MYO9A: variants seen among roughly 807,000 people sequenced by gnomAD.
MYO9A encodes unconventional myosin-IXa.
MYO9A carries 103 observed loss-of-function variants against 293.3 expected under a neutral mutation model. The ratio of observed to expected loss-of-function variants is 0.35; its 90% CI spans 0.30 to 0.41. MYO9A has a LOEUF of 0.41. Ranked by LOEUF, MYO9A falls within the 10% of genes least tolerant of loss-of-function variation. MYO9A has a pLI of 1.00. For synonymous variants in MYO9A, 1,001 were observed against 1,035.7 expected, an observed-to-expected ratio of 0.97 and a Z score of 0.64; for missense variants, 2,685 against 3,033.0, an observed-to-expected ratio of 0.89 and a Z score of 2.69.
At chr15:71,980,764 G>C (rs911464687) in intron 11 of MYO9A, among the ~76,000 whole-genome samples, 3 of 152,186 alleles carry the variant, frequency 2.0e-5, no homozygotes, top group Non-Finnish European at 4.4e-5. Flanking sequence ...CTTGAGCCCA[G>C]GAGATCAAGT....
intron 39 of MYO9A, among the ~76,000 whole-genome samples, chr15:71,832,374 G>A (rs951369577): frequency 1.3e-5 from 2 of 151,714 alleles, no homozygotes; most frequent in African/African-American, 4.8e-5. Flanking sequence ...CAACCCCTAA[G>A]AAAGAAATAA....
intron 19 of MYO9A, 45 bp from the exon 20 acceptor site, chr15:71,905,051 C>G (rs747997332): frequency 4.1e-6 from 6 of 1,455,610 alleles, no homozygotes; most frequent in Non-Finnish European, 2.8e-6. Flanking sequence ...CCATTCCAAA[C>G]TATTAACAAA....
intron 9 of MYO9A, among the ~76,000 whole-genome samples, chr15:71,995,472 AT>A (rs1397185186): frequency 6.6e-6 from 1 of 151,998 alleles, no homozygotes; most frequent in Non-Finnish European, 1.5e-5. Flanking sequence ...GTTTATGAAA[AT>A]TCTCAATACT....
intron 39 of MYO9A, among the ~76,000 whole-genome samples, chr15:71,846,774 T>A (rs1596017165): frequency 6.6e-6 from 1 of 152,162 alleles, no homozygotes; most frequent in African/African-American, 2.4e-5. Flanking sequence ...CCATTCCTTT[T>A]TTTGTACAAT....
At chr15:72,061,205 G>T (rs1297369340) in intron 1 of MYO9A, among the ~76,000 whole-genome samples, 3 of 152,112 alleles carry the variant, frequency 2.0e-5, no homozygotes, top group Non-Finnish European at 4.4e-5. Context: ...ACTCGCCATG[G>T]GCCTTGGGAG....
chr15:71,834,782 A>G (rs1427663365), intron 39 of MYO9A, among the ~76,000 whole-genome samples: 1 of 152,118 alleles, frequency 6.6e-6, no homozygotes, highest in African/African-American at 2.4e-5. Flanking sequence ...AAACAAACAA[A>G]CAAAAACAAA....
At chr15:72,017,645 A>T (rs1437330326) in intron 6 of MYO9A, among the ~76,000 whole-genome samples, 3 of 152,052 alleles carry the variant, frequency 2.0e-5, no homozygotes, top group Non-Finnish European at 4.4e-5. Context: ...AAATTTCTCT[A>T]AAAAAAATTA....
At chr15:71,994,611 C>A in intron 9 of MYO9A, 26 bp from the exon 10 acceptor site, 1 of 1,387,600 alleles carries the variant, frequency 7.2e-7, no homozygotes. Context: ...ATTACAAGTG[C>A]ATGTAGAATT....
chr15:71,977,860 A>ACC (rs2076181683), intron 12 of MYO9A, among the ~76,000 whole-genome samples: 1 of 152,022 alleles, frequency 6.6e-6, no homozygotes, highest in South Asian at 2.1e-4. Context: ...ACACGGTGAA[A>ACC]CCCCGTCTGT....
At chr15:72,050,627 T>G (rs28613926) in intron 1 of MYO9A, among the ~76,000 whole-genome samples, 3 of 150,722 alleles carry the variant, frequency 2.0e-5, no homozygotes, top group Non-Finnish European at 4.4e-5. Context: ...AATAAATAAA[T>G]AAACAAACAA....
chr15:71,948,365 C>T (rs1221829692), intron 15 of MYO9A, among the ~76,000 whole-genome samples: 1 of 152,134 alleles, frequency 6.6e-6, no homozygotes, highest in African/African-American at 2.4e-5. Context: ...TGGCCTAAAC[C>T]AAACCCACTG....
chr15:71,827,627 G>A lies in MYO9A; in HGVS notation c.7183+257C>T, dbSNP rs1479494188. 2.0e-5 allele frequency among the ~76,000 whole-genome samples: 3 copies of A among 152,142 alleles called. No homozygotes were observed. The East Asian group carries it at 5.8e-4, about 29-fold the overall frequency. On this transcript the variant is annotated intron_variant, in intron 41 of 41. Coordinates refer to ENST00000356056, the MANE Select transcript of MYO9A (RefSeq NM_006901.4). ...GACAACAGGAAAAAAAAGACCTTCC[G>A]TGGAAGTCAGGAATCTAAGTAGCAA...
intron 18 of MYO9A, among the ~76,000 whole-genome samples, chr15:71,932,728 T>C (rs2058512306): frequency 6.6e-6 from 1 of 152,138 alleles, no homozygotes; most frequent in Non-Finnish European, 1.5e-5. Context: ...CTCTTTGTTC[T>C]CTGTCACTGC....
chr15:71,894,939 A>G (rs1449531400), intron 25 of MYO9A, among the ~76,000 whole-genome samples: 1 of 152,220 alleles, frequency 6.6e-6, no homozygotes, highest in African/African-American at 2.4e-5. Flanking sequence ...AGTGCTAGCT[A>G]AAATTAGACA....
chr15:72,098,642 T>C (rs114443466), intron 1 of MYO9A, among the ~76,000 whole-genome samples: 91 of 151,988 alleles, frequency 6.0e-4, no homozygotes, highest in African/African-American at 1.9e-3. Context: ...TAAAAAAGAA[T>C]TGCAAAATAA....
intron 38 of MYO9A, among the ~76,000 whole-genome samples, chr15:71,849,360 A>C (rs2055535116): frequency 1.3e-5 from 2 of 152,236 alleles, no homozygotes; most frequent in South Asian, 4.2e-4. Context: ...GAGGCACGAG[A>C]ATCGCTTAAA....
At chr15:72,044,197 G>T (rs990900537) in intron 2 of MYO9A, among the ~76,000 whole-genome samples, 1 of 151,784 alleles carries the variant, frequency 6.6e-6, no homozygotes, top group Non-Finnish European at 1.5e-5. Flanking sequence ...ACCTGAGGTT[G>T]GGAGTTCAAG....
intron 19 of MYO9A, among the ~76,000 whole-genome samples, chr15:71,912,092 A>C (rs1469690658): frequency 1.3e-5 from 2 of 152,114 alleles, no homozygotes; most frequent in African/African-American, 4.8e-5. Flanking sequence ...TCTACCTTCA[A>C]ATAATACTAT....
chr15:71,973,955 G>A (rs2076076102), intron 12 of MYO9A, among the ~76,000 whole-genome samples: 2 of 152,144 alleles, frequency 1.3e-5, no homozygotes, highest in African/African-American at 4.8e-5. Flanking sequence ...TCCTTAGTGG[G>A]AAGACCCTGA....
Sources: allele counts gnomAD v4.1 joint callset (sites outside exome capture counted in the v4.1 genomes callset), GRCh38; gene constraint gnomAD v4.1.1; transcripts MANE v1.5; gene names NCBI Gene and HGNC (gene_info 2026-07-23, HGNC 2026-07-21).